The following ZDHHC14 variants were observed in gnomAD, a reference collection of about 807,000 sequenced individuals.
ZDHHC14 encodes the protein palmitoyltransferase ZDHHC14.
ZDHHC14 carries 16 observed loss-of-function variants against 47.7 expected under a neutral mutation model. That is an observed-to-expected ratio of 0.34 (90% CI 0.23 to 0.51). The LOEUF is 0.51. Ranked by LOEUF, ZDHHC14 falls within the 20% of genes least tolerant of loss-of-function variation. The pLI is 0.97. For synonymous variants in ZDHHC14, 293 were observed against 278.9 expected, an observed-to-expected ratio of 1.05 and a Z score of -0.50; for missense variants, 515 against 662.5, an observed-to-expected ratio of 0.78 and a Z score of 2.44.
intron 3 of ZDHHC14, 46 bp downstream of exon 3, chr6:157,593,192 G>A: frequency 6.3e-7 from 1 of 1,576,344 alleles, no homozygotes; most frequent in Non-Finnish European, 8.6e-7. Flanking sequence ...GGGTCCTCCG[G>A]GTGGGTTTGC....
At chr6:157,583,039 T>C (rs1783569997) in intron 2 of ZDHHC14, among the ~76,000 whole-genome samples, 1 of 151,986 alleles carries the variant, frequency 6.6e-6, no homozygotes, top group Non-Finnish European at 1.5e-5. Flanking sequence ...CATTATGAAA[T>C]TCTTATAGTA....
At chr6:157,498,166 G>A (rs986262629) in intron 1 of ZDHHC14, among the ~76,000 whole-genome samples, 100 of 152,114 alleles carry the variant, frequency 6.6e-4, no homozygotes, top group African/African-American at 2.4e-3. Flanking sequence ...GCTGGGTGCA[G>A]TGGCTCATGC....
chr6:157,497,011 G>C (rs1339378236), intron 1 of ZDHHC14, among the ~76,000 whole-genome samples: 2 of 152,198 alleles, frequency 1.3e-5, no homozygotes, highest in African/African-American at 4.8e-5. Context: ...CCAAGATCCA[G>C]GCCAGCATGA....
chr6:157,588,328 G>T (rs938181361), intron 2 of ZDHHC14, among the ~76,000 whole-genome samples: 1 of 151,978 alleles, frequency 6.6e-6, no homozygotes, highest in Admixed American at 6.5e-5. Context: ...GCATGGTGGT[G>T]AATACCTATA....
At position 157,477,273 on chromosome 6, in the gene ZDHHC14, G is replaced by A. The variant is rs191623847; in HGVS notation, c.246-65312G>A. ...TGTGCACCTGTAATCGCAGCTACTC[G>A]AGAGGCAGAGGCAGGAGAATTGCTT... is the stretch of plus-strand genomic sequence containing the variant. On this transcript the variant is annotated intron_variant, in intron 1 of 8. Coordinates refer to ENST00000359775, the MANE Select transcript of ZDHHC14 (RefSeq NM_024630.3). Among the ~76,000 whole-genome samples the A allele has an allele frequency of 2.3e-3, 345 of 152,252 alleles. 2 individuals are homozygous for A. The highest frequency in any genetic ancestry group is 7.9e-3 in the African/African-American group (330 of 41,558).
intron 1 of ZDHHC14, among the ~76,000 whole-genome samples, chr6:157,435,760 G>A (rs953428242): frequency 1.3e-5 from 2 of 152,018 alleles, no homozygotes; most frequent in Admixed American, 1.3e-4. Context: ...GGCTGGTCTC[G>A]AACTCTTGGG....
chr6:157,416,910 G>A (rs559535889), intron 1 of ZDHHC14, among the ~76,000 whole-genome samples: 34 of 141,394 alleles, frequency 2.4e-4, no homozygotes, highest in African/African-American at 8.6e-4. Context: ...GAGTTCAAGC[G>A]ATTCTCCTGC....
chr6:157,556,475 C>A (rs1782468403), intron 2 of ZDHHC14, among the ~76,000 whole-genome samples: 1 of 152,254 alleles, frequency 6.6e-6, no homozygotes, highest in Admixed American at 6.5e-5. Flanking sequence ...AGCTCAAAGG[C>A]CTGCCTGGCC....
chr6:157,460,202 TAAAACA>T (rs1263139270), intron 1 of ZDHHC14, among the ~76,000 whole-genome samples: 6 of 134,328 alleles, frequency 4.5e-5, no homozygotes, highest in African/African-American at 1.3e-4. Flanking sequence ...GACTCCATCT[TAAAACA>T]AAAACAAAAA....
chr6:157,667,009 T>G (rs1021833882), intron 8 of ZDHHC14, among the ~76,000 whole-genome samples: 4 of 152,164 alleles, frequency 2.6e-5, no homozygotes, highest in Non-Finnish European at 4.4e-5. Flanking sequence ...AGCAGAAAGG[T>G]CTTTTCATAG....
At chr6:157,616,243 G>A (rs1317790374) in intron 3 of ZDHHC14, among the ~76,000 whole-genome samples, 1 of 152,208 alleles carries the variant, frequency 6.6e-6, no homozygotes, top group African/African-American at 2.4e-5. Flanking sequence ...CAAGACAGGA[G>A]AGATCAGAGA....
chr6:157,526,897 A>T (rs1781174553), intron 1 of ZDHHC14, among the ~76,000 whole-genome samples: 1 of 151,998 alleles, frequency 6.6e-6, no homozygotes, highest in Admixed American at 6.6e-5. Context: ...TCATAGAGAG[A>T]GGTTCTAGGG....
At chr6:157,419,887 C>T (rs1031170688) in intron 1 of ZDHHC14, among the ~76,000 whole-genome samples, 2 of 152,210 alleles carry the variant, frequency 1.3e-5, no homozygotes, top group African/African-American at 4.8e-5. Flanking sequence ...GTGGCTACAC[C>T]ATTTTTCATT....
chr6:157,552,338 G>A (rs1562477212), intron 2 of ZDHHC14, among the ~76,000 whole-genome samples: 1 of 152,028 alleles, frequency 6.6e-6, no homozygotes, highest in Admixed American at 6.5e-5. Flanking sequence ...GAGTCGGCAG[G>A]GCAGGGCAGG....
chr6:157,481,297 G>T (rs148088469), intron 1 of ZDHHC14, among the ~76,000 whole-genome samples: 2 of 152,146 alleles, frequency 1.3e-5, no homozygotes, highest in African/African-American at 4.8e-5. Flanking sequence ...TGTTTTTATC[G>T]TATTTTTCCT....
chr6:157,630,699 TCACA>T (rs961685913), intron 4 of ZDHHC14: 3 of 144,712 alleles, frequency 2.1e-5, no homozygotes, highest in Non-Finnish European at 3.0e-5. Flanking sequence ...ACCAATAAGC[TCACA>T]CACATACCCT....
At chr6:157,626,180 C>T (rs778900053) in intron 3 of ZDHHC14, among the ~76,000 whole-genome samples, 1 of 152,126 alleles carries the variant, frequency 6.6e-6, no homozygotes, top group Non-Finnish European at 1.5e-5. Context: ...TTCTTCTTTG[C>T]TGATAGGCGA....
At chr6:157,566,526 C>T (rs1782907830) in intron 2 of ZDHHC14, among the ~76,000 whole-genome samples, 1 of 152,204 alleles carries the variant, frequency 6.6e-6, no homozygotes, top group African/African-American at 2.4e-5. Flanking sequence ...CACTTACCAC[C>T]CTGAAGAAGC....
chr6:157,522,387 T>C (rs574453076), intron 1 of ZDHHC14, among the ~76,000 whole-genome samples: 2 of 152,314 alleles, frequency 1.3e-5, no homozygotes, highest in African/African-American at 2.4e-5. Flanking sequence ...AACTGGTACA[T>C]CTAGGTTCAC....
Sources: gnomAD v4.1 joint callset for allele counts (sites outside exome capture counted in the v4.1 genomes callset) on GRCh38, gnomAD v4.1.1 for gene constraint, MANE v1.5 for transcripts, NCBI Gene and HGNC (gene_info 2026-07-23, HGNC 2026-07-21) for gene names.